TET1: variants seen among roughly 807,000 people sequenced by gnomAD.
TET1 encodes the protein tet methylcytosine dioxygenase 1, also known as methylcytosine dioxygenase TET1.
A neutral mutation model predicts 148.7 loss-of-function variants in TET1; 13 were observed. The observed-to-expected ratio is 0.09, with a 90% CI of 0.06 to 0.14. The LOEUF (loss-of-function observed/expected upper bound fraction) is 0.14, where lower values mean the gene tolerates loss of function less well. TET1 is among the 10% of genes least tolerant of loss of function. The pLI, the probability that TET1 is intolerant of heterozygous loss-of-function variation, is 1.00. For missense variants in TET1, 2,182 were observed against 2,553.8 expected (o/e 0.85, Z 3.14); for synonymous variants, 907 against 937.2 (o/e 0.97, Z 0.59).
chr10:68,638,174 ACTT>A (rs1010169024), intron 3 of TET1, among the ~76,000 whole-genome samples: 1 of 152,144 alleles, frequency 6.6e-6, no homozygotes, highest in Non-Finnish European at 1.5e-5. Flanking sequence ...TGACCTCTAT[ACTT>A]CTTAGTAGTG....
intron 6 of TET1, among the ~76,000 whole-genome samples, chr10:68,664,902 G>C (rs145381307): frequency 2.0e-5 from 3 of 151,950 alleles, no homozygotes; most frequent in South Asian, 2.1e-4. Context: ...AGCCTTCTGA[G>C]CAACTGGGAC....
intron 3 of TET1, among the ~76,000 whole-genome samples, chr10:68,627,256 A>G (rs965945858): frequency 3.3e-5 from 5 of 152,076 alleles, no homozygotes; most frequent in African/African-American, 1.2e-4. Context: ...AATAAAATAC[A>G]AAAATGAGCC....
chr10:68,612,688 G>A lies in TET1; in HGVS notation c.1968+11654G>A, dbSNP rs1323270469. On this transcript the variant is annotated intron_variant, in intron 3 of 11. Coordinates refer to ENST00000373644, the MANE Select transcript of TET1 (RefSeq NM_030625.3). ...GGCCGTAGTGCAGTGGCAAGATCTC[G>A]GCTCACTGTAGCCTCACCTCTCAGG... is the stretch of plus-strand genomic sequence containing the variant. Among the ~76,000 whole-genome samples the A allele has an allele frequency of 3.3e-5, 5 of 151,582 alleles. No homozygotes were observed. In the East Asian group the frequency reaches 5.8e-4, roughly 18 times the overall value.
At position 68,678,112 on chromosome 10, in the gene TET1, A is replaced by G. The variant is rs566573353; in HGVS notation, c.4825-3287A>G. ...GTGACATACTTACACTTGCCCTTGA[A>G]TGAGATCCCTCTAGATGCTGTTTGA... On this transcript the variant is annotated intron_variant, in intron 8 of 11. Coordinates refer to ENST00000373644, the MANE Select transcript of TET1 (RefSeq NM_030625.3). 1.9e-4 allele frequency among the ~76,000 whole-genome samples: 29 copies of G among 152,300 alleles called. No homozygotes were observed. The South Asian group carries it at 6.0e-3, about 32-fold the overall frequency.
chr10:68,605,759 C>T (rs912631988), intron 3 of TET1, among the ~76,000 whole-genome samples: 8 of 152,214 alleles, frequency 5.3e-5, no homozygotes, highest in African/African-American at 1.7e-4. Flanking sequence ...AAGTGATCTG[C>T]CCACTGCAGC....
intron 3 of TET1, among the ~76,000 whole-genome samples, chr10:68,640,059 C>T (rs1225153232): frequency 6.6e-6 from 1 of 151,498 alleles, no homozygotes; most frequent in African/African-American, 2.4e-5. Flanking sequence ...ATCCGAGTAG[C>T]TGGAATTACA....
At position 68,640,544 on chromosome 10, in the gene TET1, C is replaced by CTTTTTTTTTTTTTTT. The variant is rs60460824; in HGVS notation, c.1969-4143_1969-4129dup. Among the ~76,000 whole-genome samples, 35 of 42,886 alleles carry CTTTTTTTTTTTTTTT rather than the reference C, an allele frequency of 8.2e-4. 8 individuals are homozygous for CTTTTTTTTTTTTTTT. Among genetic ancestry groups the CTTTTTTTTTTTTTTT allele is most frequent in the African/African-American group, 9.8e-4 (10 of 10,238 alleles). 28.1% of individuals were successfully genotyped at this position (42,886 alleles called of 152,430 possible). On this transcript the variant is annotated intron_variant, in intron 3 of 11. Coordinates refer to ENST00000373644, the MANE Select transcript of TET1 (RefSeq NM_030625.3). The stretch of plus-strand genomic sequence containing the variant: ...AAATATTCTTTTTCTTTCTTTCTTT[C>CTTTTTTTTTTTTTTT]TTTTTTTTTTTTTTTTTTTTTTTTT...
intron 8 of TET1, chr10:68,674,556 T>C: frequency 1.8e-6 from 1 of 543,596 alleles, no homozygotes; most frequent in South Asian, 1.6e-5. Context: ...TAAAGTTGCA[T>C]TTAGAAAATT....
intron 3 of TET1, among the ~76,000 whole-genome samples, chr10:68,622,501 G>C (rs953760332): frequency 6.6e-6 from 1 of 151,868 alleles, no homozygotes; most frequent in Non-Finnish European, 1.5e-5. Flanking sequence ...CCTAATCTCA[G>C]GTGATCTGCC....
At chr10:68,678,035 A>ACAGG (rs1486882957) in intron 8 of TET1, among the ~76,000 whole-genome samples, 1 of 152,246 alleles carries the variant, frequency 6.6e-6, no homozygotes, top group Non-Finnish European at 1.5e-5. Flanking sequence ...TCCTGGGATT[A>ACAGG]CAGGCGTGAG....
intron 6 of TET1, among the ~76,000 whole-genome samples, chr10:68,659,993 A>T (rs2055082124): frequency 6.6e-6 from 1 of 152,218 alleles, no homozygotes; most frequent in African/African-American, 2.4e-5. Flanking sequence ...GGAGTTGGCC[A>T]CTATAATTTT....
At chr10:68,650,452 G>A (rs928667226) in intron 4 of TET1, among the ~76,000 whole-genome samples, 2 of 152,032 alleles carry the variant, frequency 1.3e-5, no homozygotes, top group African/African-American at 4.8e-5. Context: ...AGACCAGCCT[G>A]GCCAACATGG....
At chr10:68,668,976 G>GGGGA (rs146415530) in intron 7 of TET1, among the ~76,000 whole-genome samples, 1 of 148,566 alleles carries the variant, frequency 6.7e-6, no homozygotes, top group Non-Finnish European at 1.5e-5. Context: ...CATGGCAAAA[G>GGGGA]GAGAGAGAGA....
intron 3 of TET1, among the ~76,000 whole-genome samples, chr10:68,637,889 A>T (rs1187637992): frequency 6.6e-6 from 1 of 151,428 alleles, no homozygotes; most frequent in East Asian, 1.9e-4. Context: ...AAAAGATTCT[A>T]GTACCTCAGC....
chr10:68,574,275 G>C, intron 2 of TET1, 23 bp downstream of exon 2: 1 of 1,590,122 alleles, frequency 6.3e-7, no homozygotes, highest in Non-Finnish European at 8.6e-7. Context: ...TCAAGGGGCT[G>C]GGAGACAGCT....
At chr10:68,628,528 G>C (rs191107359) in intron 3 of TET1, among the ~76,000 whole-genome samples, 4 of 152,318 alleles carry the variant, frequency 2.6e-5, no homozygotes, top group Admixed American at 2.6e-4. Flanking sequence ...GTCCAGGAAG[G>C]GATAGCATTG....
intron 2 of TET1, among the ~76,000 whole-genome samples, chr10:68,586,907 T>C (rs776882615): frequency 1.3e-4 from 20 of 152,204 alleles, no homozygotes; most frequent in Admixed American, 2.6e-4. Context: ...AAGAGATTTG[T>C]GTATTTATTT....
chr10:68,601,130 T>C (rs997404498), intron 3 of TET1, 96 bp downstream of exon 3: 4 of 1,058,034 alleles, frequency 3.8e-6, no homozygotes, highest in Non-Finnish European at 5.5e-6. Context: ...TATATGTGAA[T>C]TCTCCCAGAT....
At chr10:68,597,359 T>C (rs2054001164) in intron 2 of TET1, among the ~76,000 whole-genome samples, 1 of 152,108 alleles carries the variant, frequency 6.6e-6, no homozygotes, top group Non-Finnish European at 1.5e-5. Flanking sequence ...TACAATTCTA[T>C]CATAATATAT....
Sources: gnomAD v4.1 joint callset for allele counts (sites outside exome capture counted in the v4.1 genomes callset) on GRCh38, gnomAD v4.1.1 for gene constraint, MANE v1.5 for transcripts, NCBI Gene and HGNC (gene_info 2026-07-23, HGNC 2026-07-21) for gene names.